Variants in SAMMSON observed in about 807,000 individuals in gnomAD.
SAMMSON encodes long intergenic non-protein coding RNA 1212.
At chr3:70,255,651 G>A (rs1328877094) in intron 6 of SAMMSON, among the ~76,000 whole-genome samples, 1 of 152,020 alleles carries the variant, frequency 6.6e-6, no homozygotes, top group Admixed American at 6.6e-5. Flanking sequence ...TGGAGGTGGG[G>A]TCTCATTATG....
chr3:70,319,578 T>A (rs865915120), intron 7 of SAMMSON, among the ~76,000 whole-genome samples: 77 of 152,114 alleles, frequency 5.1e-4, no homozygotes, highest in African/African-American at 1.7e-3. Context: ...GAACAAAGAG[T>A]GGCTAAGCTT....
chr3:70,352,363 T>G (rs1702800383), intron 7 of SAMMSON, among the ~76,000 whole-genome samples: 1 of 152,022 alleles, frequency 6.6e-6, no homozygotes, highest in Non-Finnish European at 1.5e-5. Context: ...TGACACAGCA[T>G]TTTTCAATAC....
intron 4 of SAMMSON, among the ~76,000 whole-genome samples, chr3:70,114,690 G>A (rs1430104270): frequency 1.3e-5 from 2 of 152,198 alleles, no homozygotes; most frequent in East Asian, 3.9e-4. Context: ...AAGACACTGG[G>A]GAAAGATTTT....
intron 3 of SAMMSON, among the ~76,000 whole-genome samples, chr3:70,053,977 A>G (rs2067157126): frequency 1.3e-5 from 2 of 152,122 alleles, no homozygotes; most frequent in South Asian, 4.1e-4. Context: ...TGTGTGCATA[A>G]CAAGCAAATT....
chr3:70,315,935 T>A (rs751381535), intron 7 of SAMMSON, among the ~76,000 whole-genome samples: 3 of 152,170 alleles, frequency 2.0e-5, no homozygotes, highest in Non-Finnish European at 4.4e-5. Context: ...TTTAAAATAA[T>A]GAACTAAATA....
intron 2 of SAMMSON, among the ~76,000 whole-genome samples, chr3:70,407,515 A>G (rs1018404315): frequency 6.6e-6 from 1 of 152,198 alleles, no homozygotes; most frequent in African/African-American, 2.4e-5. Flanking sequence ...TAGGGCCCAT[A>G]CAAGTCCAAA....
chr3:70,426,511 C>T (rs1404649940), intron 2 of SAMMSON, among the ~76,000 whole-genome samples: 1 of 152,174 alleles, frequency 6.6e-6, no homozygotes, highest in Non-Finnish European at 1.5e-5. Context: ...AACTTTTACA[C>T]TAAACATGAA....
intron 4 of SAMMSON, among the ~76,000 whole-genome samples, chr3:70,206,393 G>A (rs937968895): frequency 5.3e-5 from 8 of 152,010 alleles, no homozygotes; most frequent in African/African-American, 1.4e-4. Flanking sequence ...TCTGCCAAGC[G>A]CCTCATAACT....
At chr3:70,384,396 C>T (rs780678298) in intron 9 of SAMMSON, among the ~76,000 whole-genome samples, 12 of 151,956 alleles carry the variant, frequency 7.9e-5, no homozygotes, top group Admixed American at 3.3e-4. Flanking sequence ...ATATAGAACA[C>T]TTTAGTTCTT....
chr3:70,101,785 G>T (rs1217259577), intron 4 of SAMMSON, among the ~76,000 whole-genome samples: 1 of 152,102 alleles, frequency 6.6e-6, no homozygotes, highest in Non-Finnish European at 1.5e-5. Flanking sequence ...AGACCAAAAA[G>T]GTTAAGTGGC....
At chr3:70,149,116 C>T (rs2067561446) in intron 4 of SAMMSON, among the ~76,000 whole-genome samples, 1 of 152,072 alleles carries the variant, frequency 6.6e-6, no homozygotes. Context: ...AATTGTTTCT[C>T]AGCAGAAGGT....
chr3:70,212,798 C>T (rs1405479422), intron 4 of SAMMSON, among the ~76,000 whole-genome samples: 1 of 151,712 alleles, frequency 6.6e-6, no homozygotes, highest in Non-Finnish European at 1.5e-5. Context: ...TTTTCTCTCT[C>T]TTTTTTTGAG....
chr3:70,315,284 A>T (rs1702487183), intron 7 of SAMMSON, among the ~76,000 whole-genome samples: 2 of 152,082 alleles, frequency 1.3e-5, no homozygotes, highest in South Asian at 4.1e-4. Flanking sequence ...TCTAACTGCC[A>T]TTTGATTTTG....
chr3:70,158,526 A>G (rs1169550955), intron 4 of SAMMSON, among the ~76,000 whole-genome samples: 1 of 151,936 alleles, frequency 6.6e-6, no homozygotes, highest in Admixed American at 6.6e-5. Context: ...TTCATGTTCA[A>G]GTCTTTGGGT....
intron 7 of SAMMSON, among the ~76,000 whole-genome samples, chr3:70,333,544 CAT>C (rs776292594): frequency 1.2e-4 from 18 of 152,230 alleles, no homozygotes; most frequent in Admixed American, 4.6e-4. Flanking sequence ...TGCAAGAAAA[CAT>C]AACCTTTTAC....
chr3:70,076,393 C>T (rs1445868630), intron 4 of SAMMSON, among the ~76,000 whole-genome samples: 1 of 152,122 alleles, frequency 6.6e-6, no homozygotes, highest in Non-Finnish European at 1.5e-5. Context: ...AGTATTTTTA[C>T]ACTTTGTTCA....
rs140723501 is a variant in SAMMSON at position 70,195,116 on chromosome 3, C to G, written n.508-53991C>G. Among the ~76,000 whole-genome samples, 174 of 152,250 alleles carry G rather than the reference C, an allele frequency of 1.1e-3. 1 individual carries two copies. The highest frequency in any genetic ancestry group is 2.5e-3 in the South Asian group (12 of 4,828). On this transcript the variant is annotated intron_variant and non_coding_transcript_variant, in intron 4 of 9. Coordinates refer to ENST00000642114, the Ensembl canonical transcript of SAMMSON. The stretch of plus-strand genomic sequence containing the variant: ...CACTGCCAATAATTCACTGTGTGGT[C>G]TTGAATAAGTCAGTTCATGGGGCCT...
chr3:70,417,685 T>C (rs578162706), intron 2 of SAMMSON, among the ~76,000 whole-genome samples: 1 of 152,152 alleles, frequency 6.6e-6, no homozygotes, highest in Admixed American at 6.5e-5. Context: ...TTATTTTTTT[T>C]TGTGGTCCCA....
intron 2 of SAMMSON, among the ~76,000 whole-genome samples, chr3:70,427,878 C>T (rs547648124): frequency 6.6e-6 from 1 of 152,020 alleles, no homozygotes; most frequent in South Asian, 2.1e-4. Flanking sequence ...GACATGGAAT[C>T]TTAGATTTTT....
Sources: gnomAD v4.1 joint callset for allele counts (sites outside exome capture counted in the v4.1 genomes callset) on GRCh38, gnomAD v4.1.1 for gene constraint, MANE v1.5 for transcripts, NCBI Gene and HGNC (gene_info 2026-07-23, HGNC 2026-07-21) for gene names.